SLC14A2: variants seen among roughly 807,000 people sequenced by gnomAD.
SLC14A2 encodes urea transporter 2.
SLC14A2 carries 91 observed loss-of-function variants against 104.6 expected under a neutral mutation model. The ratio of observed to expected loss-of-function variants is 0.87; its 90% CI spans 0.73 to 1.04. The LOEUF is 1.04. SLC14A2 is among the 50% of genes least tolerant of loss of function. SLC14A2 has a pLI of 0.00. For synonymous variants in SLC14A2, 476 were observed against 466.4 expected, an observed-to-expected ratio of 1.02 and a Z score of -0.27; for missense variants, 1,189 against 1,156.0, an observed-to-expected ratio of 1.03 and a Z score of -0.41.
At chr18:45,461,047 G>A (rs2087036237) in intron 1 of SLC14A2, among the ~76,000 whole-genome samples, 1 of 152,106 alleles carries the variant, frequency 6.6e-6, no homozygotes, top group Admixed American at 6.5e-5. Flanking sequence ...GGCCATCTGA[G>A]GCCAAGATTA....
chr18:45,293,001 G>T (rs867843059), intron 1 of SLC14A2, among the ~76,000 whole-genome samples: 1 of 150,594 alleles, frequency 6.6e-6, no homozygotes. Context: ...CTGCCCCCCC[G>T]CAAAAAAAAA....
At chr18:45,544,892 A>G (rs2043947725) in intron 2 of SLC14A2, among the ~76,000 whole-genome samples, 1 of 148,354 alleles carries the variant, frequency 6.7e-6, no homozygotes, top group Non-Finnish European at 1.5e-5. Context: ...CCATGGGTTC[A>G]AGTGATTCTC....
intron 2 of SLC14A2, among the ~76,000 whole-genome samples, chr18:45,594,380 G>C (rs2044693867): frequency 5.3e-5 from 8 of 152,202 alleles, no homozygotes; most frequent in Admixed American, 5.2e-4. Context: ...GGGGAAAGCA[G>C]AATTTGAACA....
chr18:45,442,742 A>T (rs1487848053), intron 1 of SLC14A2, among the ~76,000 whole-genome samples: 1 of 152,230 alleles, frequency 6.6e-6, no homozygotes, highest in Non-Finnish European at 1.5e-5. Context: ...ATGTATATAA[A>T]GCTTAATTAC....
At chr18:45,548,722 T>C (rs977050246) in intron 2 of SLC14A2, among the ~76,000 whole-genome samples, 4 of 152,114 alleles carry the variant, frequency 2.6e-5, no homozygotes, top group South Asian at 4.1e-4. Context: ...AAGAATCACA[T>C]AGTTTACAGC....
intron 2 of SLC14A2, among the ~76,000 whole-genome samples, chr18:45,581,011 G>A (rs1341218595): frequency 2.0e-5 from 3 of 152,184 alleles, no homozygotes; most frequent in Non-Finnish European, 4.4e-5. Flanking sequence ...AAGGCCTTGA[G>A]AGGAGACATG....
intron 2 of SLC14A2, among the ~76,000 whole-genome samples, chr18:45,531,173 T>C (rs1471336992): frequency 6.6e-6 from 1 of 152,242 alleles, no homozygotes; most frequent in Non-Finnish European, 1.5e-5. Flanking sequence ...TGTGCATGTG[T>C]CTTTATAGCA....
chr18:45,461,119 C>T (rs892122094), intron 1 of SLC14A2, among the ~76,000 whole-genome samples: 21 of 152,106 alleles, frequency 1.4e-4, no homozygotes, highest in African/African-American at 4.6e-4. Context: ...CCAATTTGCC[C>T]CTATTTTCTA....
At chr18:45,618,318 T>C (rs924636050) in intron 1 of SLC14A2, among the ~76,000 whole-genome samples, 2 of 152,198 alleles carry the variant, frequency 1.3e-5, no homozygotes, top group Admixed American at 6.5e-5. Context: ...CTGGAGAACC[T>C]GCTAATCACT....
At chr18:45,465,824 T>C (rs139210829) in intron 1 of SLC14A2, among the ~76,000 whole-genome samples, 5 of 152,054 alleles carry the variant, frequency 3.3e-5, no homozygotes, top group African/African-American at 1.2e-4. Context: ...TGGAAGGGCA[T>C]GGATGCGTTG....
chr18:45,410,650 G>T (rs1023294463), intron 1 of SLC14A2, among the ~76,000 whole-genome samples: 4 of 152,076 alleles, frequency 2.6e-5, no homozygotes, highest in Non-Finnish European at 5.9e-5. Context: ...ATTGTTTGTG[G>T]ATTCCATATT....
At chr18:45,368,702 G>A (rs2085691486) in intron 1 of SLC14A2, among the ~76,000 whole-genome samples, 1 of 152,198 alleles carries the variant, frequency 6.6e-6, no homozygotes, top group Non-Finnish European at 1.5e-5. Flanking sequence ...AATACAAAAA[G>A]CAAGTGGAGA....
intron 8 of SLC14A2, among the ~76,000 whole-genome samples, chr18:45,642,781 A>T (rs530996720): frequency 3.9e-4 from 59 of 152,318 alleles, no homozygotes; most frequent in African/African-American, 1.4e-3. Flanking sequence ...TACAACAATC[A>T]TCCAGCCTGT....
intron 2 of SLC14A2, among the ~76,000 whole-genome samples, chr18:45,540,426 G>C (rs2043868382): frequency 6.6e-6 from 1 of 152,124 alleles, no homozygotes; most frequent in African/African-American, 2.4e-5. Context: ...GAGTTAGCAA[G>C]CTGCTGCTCA....
the SLC14A2 span, among the ~76,000 whole-genome samples, chr18:45,207,208 T>C: frequency 6.6e-6 from 1 of 152,010 alleles, no homozygotes; most frequent in Non-Finnish European, 1.5e-5. Flanking sequence ...AGTCAAAAAT[T>C]CATGTGGCAT....
chr18:45,285,555 T>G (rs2084804741), intron 1 of SLC14A2, among the ~76,000 whole-genome samples: 1 of 152,072 alleles, frequency 6.6e-6, no homozygotes, highest in Admixed American at 6.5e-5. Context: ...GTAGCTGGGA[T>G]TACAGGCACG....
intron 11 of SLC14A2, among the ~76,000 whole-genome samples, chr18:45,665,325 C>T (rs1299799400): frequency 1.3e-5 from 2 of 152,168 alleles, no homozygotes; most frequent in African/African-American, 4.8e-5. Context: ...AAGAAGGAAA[C>T]TTCCAGGGGC....
Position 45,626,945 on chromosome 18 carries a change from C to T in SLC14A2, c.332-13C>T. On this transcript the variant is annotated splice_polypyrimidine_tract_variant and intron_variant, in intron 3 of 19. Coordinates refer to ENST00000255226, the MANE Select transcript of SLC14A2 (RefSeq NM_007163.4). ...GCTGGACCTGCTGATGGCTCGCTCT[C>T]TGTCTCTTTCAGACAAGCACCTTGC... 1 of 1,603,876 alleles carries T rather than the reference C, an allele frequency of 6.2e-7. No homozygotes were observed. Among genetic ancestry groups the T allele is most frequent in the Non-Finnish European group, 8.5e-7 (1 of 1,173,730 alleles).
At chr18:45,592,688 T>C (rs2144391620) in intron 2 of SLC14A2, among the ~76,000 whole-genome samples, 1 of 152,350 alleles carries the variant, frequency 6.6e-6, no homozygotes. Context: ...ACTTGATCCC[T>C]GGCCTGTTCT....
Sources: allele counts gnomAD v4.1 joint callset (sites outside exome capture counted in the v4.1 genomes callset), GRCh38; gene constraint gnomAD v4.1.1; transcripts MANE v1.5; gene names NCBI Gene and HGNC (gene_info 2026-07-23, HGNC 2026-07-21).